Variants in RYR2 observed in about 807,000 individuals in gnomAD.
The protein encoded by RYR2 is ryanodine receptor 2.
RYR2 carries 227 observed loss-of-function variants against 601.1 expected under a neutral mutation model. That is an observed-to-expected ratio of 0.38 (90% CI 0.34 to 0.42). The LOEUF (loss-of-function observed/expected upper bound fraction) is 0.42, where lower values mean the gene tolerates loss of function less well. Among genes scored for constraint, RYR2 ranks in the 10% least tolerant of loss-of-function variants. RYR2 has a pLI of 1.00. For synonymous variants in RYR2, 2,223 were observed against 2,175.1 expected (o/e 1.02, Z -0.61); for missense variants, 4,646 against 6,156.5 (o/e 0.75, Z 8.21).
intron 1 of RYR2, among the ~76,000 whole-genome samples, chr1:237,084,390 G>A (rs1021067746): frequency 6.6e-5 from 10 of 152,118 alleles, no homozygotes; most frequent in African/African-American, 1.9e-4. Flanking sequence ...ACTAAGACCC[G>A]CGAGCTGAGG....
At chr1:237,647,025 T>C (rs1682236900) in intron 48 of RYR2, among the ~76,000 whole-genome samples, 2 of 152,232 alleles carry the variant, frequency 1.3e-5, no homozygotes, top group African/African-American at 4.8e-5. Context: ...GGTGAGCTTC[T>C]CCCTTTTTCC....
intron 3 of RYR2, chr1:237,341,538 C>G: frequency 2.3e-6 from 1 of 438,558 alleles, no homozygotes; most frequent in Middle Eastern, 3.4e-4. Context: ...TGTTTATTGC[C>G]TTCCTATCCC....
intron 1 of RYR2, among the ~76,000 whole-genome samples, chr1:237,149,992 G>A (rs1041323036): frequency 2.2e-4 from 34 of 152,300 alleles, no homozygotes; most frequent in African/African-American, 8.2e-4. Context: ...TACAGTAACT[G>A]CTACTGCTGT....
intron 87 of RYR2, among the ~76,000 whole-genome samples, chr1:237,776,142 C>T (rs1212985039): frequency 1.3e-5 from 2 of 152,108 alleles, no homozygotes; most frequent in Non-Finnish European, 2.9e-5. Context: ...TAGTGTTCAC[C>T]TCTTGCACTT....
At chr1:237,063,905 G>A (rs1285025768) in intron 1 of RYR2, among the ~76,000 whole-genome samples, 2 of 152,094 alleles carry the variant, frequency 1.3e-5, no homozygotes, top group East Asian at 1.9e-4. Flanking sequence ...AGCAATTCTG[G>A]CTTCCATTAT....
chr1:237,271,293 T>C (rs1324496690), intron 2 of RYR2, among the ~76,000 whole-genome samples: 1 of 152,208 alleles, frequency 6.6e-6, no homozygotes, highest in Non-Finnish European at 1.5e-5. Flanking sequence ...AACTAACTTT[T>C]TGAGACAATC....
At chr1:237,796,593 C>A (rs760448763) in intron 96 of RYR2, among the ~76,000 whole-genome samples, 1 of 152,144 alleles carries the variant, frequency 6.6e-6, no homozygotes, top group Non-Finnish European at 1.5e-5. Context: ...TTAATCCCTT[C>A]TTTTCATCAG....
intron 1 of RYR2, among the ~76,000 whole-genome samples, chr1:237,046,774 G>C (rs1660657844): frequency 6.6e-6 from 1 of 152,232 alleles, no homozygotes; most frequent in Non-Finnish European, 1.5e-5. Flanking sequence ...TTTCGGGAGA[G>C]AGGGAGAGGT....
intron 77 of RYR2, among the ~76,000 whole-genome samples, chr1:237,730,891 A>T (rs1690621240): frequency 6.6e-6 from 1 of 152,164 alleles, no homozygotes; most frequent in Non-Finnish European, 1.5e-5. Context: ...AGTCAGTATC[A>T]TCTTTTCTAA....
chr1:237,299,122 A>G (rs958206160), intron 2 of RYR2, among the ~76,000 whole-genome samples: 11 of 80,754 alleles, frequency 1.4e-4, no homozygotes, highest in African/African-American at 3.4e-4. Flanking sequence ...TGCAATTCCT[A>G]GAGTCTTTTT....
At chr1:237,587,200 T>A (rs1207548189) in intron 29 of RYR2, among the ~76,000 whole-genome samples, 2 of 152,304 alleles carry the variant, frequency 1.3e-5, no homozygotes, top group East Asian at 3.9e-4. Context: ...TCTACATAAA[T>A]CTTATACTAG....
At chr1:237,170,484 G>A (rs1017046753) in intron 1 of RYR2, among the ~76,000 whole-genome samples, 8 of 152,184 alleles carry the variant, frequency 5.3e-5, no homozygotes, top group African/African-American at 1.2e-4. Context: ...TCTGGGTAAC[G>A]GCAGGTGCTA....
chr1:237,567,115 T>TATG (rs1672166685), intron 28 of RYR2, among the ~76,000 whole-genome samples: 2 of 151,504 alleles, frequency 1.3e-5, no homozygotes, highest in Non-Finnish European at 2.9e-5. Context: ...TAATTAGTGG[T>TATG]TTGTATGAAC....
intron 1 of RYR2, among the ~76,000 whole-genome samples, chr1:237,187,173 C>CT (rs71178402): frequency 1.1e-3 from 167 of 146,644 alleles, no homozygotes; most frequent in South Asian, 6.7e-3. Flanking sequence ...GTCACATAGA[C>CT]TTTTTTTTTT....
chr1:237,738,701 G>A (rs1274457194), intron 79 of RYR2, among the ~76,000 whole-genome samples: 9 of 151,420 alleles, frequency 5.9e-5, no homozygotes, highest in Admixed American at 5.9e-4. Flanking sequence ...TTTTATTGTT[G>A]TGTTATTTCC....
chr1:237,145,880 G>A (rs1673945101), intron 1 of RYR2, among the ~76,000 whole-genome samples: 1 of 152,224 alleles, frequency 6.6e-6, no homozygotes, highest in South Asian at 2.1e-4. Context: ...GTTTCTGACT[G>A]TCAAGGTCTA....
At chr1:237,647,401 A>G (rs1370389552) in intron 48 of RYR2, among the ~76,000 whole-genome samples, 1 of 152,216 alleles carries the variant, frequency 6.6e-6, no homozygotes, top group Non-Finnish European at 1.5e-5. Flanking sequence ...ACACATCAGA[A>G]CTATTATTCT....
chr1:237,071,802 C>T (rs1224967356), intron 1 of RYR2, among the ~76,000 whole-genome samples: 14 of 152,202 alleles, frequency 9.2e-5, no homozygotes, highest in Admixed American at 8.5e-4. Context: ...GGGTGCCTGC[C>T]GAGCTGCTCT....
chr1:237,742,427 T>C, intron 80 of RYR2, 78 bp downstream of exon 80: 1 of 1,091,938 alleles, frequency 9.2e-7, no homozygotes, highest in South Asian at 1.4e-5. Flanking sequence ...ACATTTATGT[T>C]TCTTGCTTCA....
Sources: allele counts gnomAD v4.1 joint callset (sites outside exome capture counted in the v4.1 genomes callset), GRCh38; gene constraint gnomAD v4.1.1; transcripts MANE v1.5; gene names NCBI Gene and HGNC (gene_info 2026-07-23, HGNC 2026-07-21).